PIAS4: variants seen among roughly 807,000 people sequenced by gnomAD.
PIAS4 encodes E3 SUMO-protein ligase PIAS4.
A neutral mutation model predicts 58.0 loss-of-function variants in PIAS4; 7 were observed. The ratio of observed to expected loss-of-function variants is 0.12; its 90% CI spans 0.07 to 0.23. PIAS4 has a LOEUF of 0.23. Ranked by LOEUF, PIAS4 falls within the 10% of genes least tolerant of loss-of-function variation. The pLI is 1.00. For missense variants in PIAS4, 550 were observed against 709.5 expected, an observed-to-expected ratio of 0.78 and a Z score of 2.55; for synonymous variants, 364 against 312.4, an observed-to-expected ratio of 1.17 and a Z score of -1.74.
At position 4,028,420 on chromosome 19, in the gene PIAS4, G is replaced by A. The variant is rs1212190240; in HGVS notation, c.582-90G>A. 5 of 1,005,100 alleles carry A rather than the reference G, an allele frequency of 5.0e-6. No individual in the cohort carries two copies. The African/African-American group carries it at 6.5e-5, about 13-fold the overall frequency. 62.3% of individuals were successfully genotyped at this position (1,005,100 alleles called of 1,614,324 possible). On this transcript the variant is annotated intron_variant, in intron 4 of 10. Coordinates refer to ENST00000262971, the MANE Select transcript of PIAS4 (RefSeq NM_015897.4). ...CACATTCTCCGGTGCCCCCATCACT[G>A]CCGCCTGGCTACCACTCGTGTACCC...
intron 3 of PIAS4, among the ~76,000 whole-genome samples, chr19:4,025,063 G>A (rs1432448148): frequency 4.6e-5 from 7 of 152,180 alleles, no homozygotes; most frequent in African/African-American, 7.2e-5. Context: ...TGCGCCTGGC[G>A]GAAGTCAGGT....
At chr19:4,025,087 T>C (rs1481669474) in intron 3 of PIAS4, among the ~76,000 whole-genome samples, 1 of 152,222 alleles carries the variant, frequency 6.6e-6, no homozygotes, top group Non-Finnish European at 1.5e-5. Context: ...TTCCCAGTTA[T>C]ATAATGAATA....
intron 2 of PIAS4, chr19:4,018,681 C>G (rs1229585817): frequency 2.0e-5 from 3 of 152,234 alleles, no homozygotes; most frequent in Non-Finnish European, 4.4e-5. Context: ...AGTGGCCCAA[C>G]AAGAAGGAGC....
At position 4,007,745 on chromosome 19, in the gene PIAS4, G is replaced by A; in HGVS notation, c.-16G>A. On this transcript the variant is annotated 5_prime_UTR_variant, in exon 1 of 11. Coordinates refer to ENST00000262971, the MANE Select transcript of PIAS4 (RefSeq NM_015897.4). ...ACGGCTGGGGGCTCCCGGCGCGGGG[G>A]ACGCTGGTGACCAAGATGGCGGCGG... 6 of 1,215,826 alleles carry A rather than the reference G, an allele frequency of 4.9e-6. No individual in the cohort carries two copies. Among genetic ancestry groups the A allele is most frequent in the Non-Finnish European group, 6.2e-6 (6 of 970,914 alleles). The allele number at this position is 1,215,826 out of a possible 1,614,324, so 75.3% of individuals were successfully genotyped here.
rs780201074 is a variant in PIAS4 at position 4,029,014 on chromosome 19, C to T, written c.885C>T (p.His295=). 4.4e-6 allele frequency: 7 copies of T among 1,607,070 alleles called. No homozygotes were observed. ...GGCTGAAGACCATTGGGGTAAAGCA[C>T]CCGGAGCTGTGCAAGGCACTGGGTG... ...LQRLKTIGVK[H]PELCKALVKE... Residue 295 remains histidine (H), a synonymous_variant, in exon 7 of 11, where the codon CAC becomes CAT. Transcript: ENST00000262971.
At chr19:4,030,977 C>A (rs896232711) in intron 7 of PIAS4, among the ~76,000 whole-genome samples, 2 of 152,168 alleles carry the variant, frequency 1.3e-5, no homozygotes, top group African/African-American at 2.4e-5. Flanking sequence ...CGGTTCTGGG[C>A]CAGCCGGGTT....
intron 3 of PIAS4, among the ~76,000 whole-genome samples, chr19:4,024,708 AG>A (rs1200033452): frequency 6.6e-6 from 1 of 151,970 alleles, no homozygotes; most frequent in Non-Finnish European, 1.5e-5. Flanking sequence ...CGCCCGCCTT[AG>A]GAATTTATTC....
At chr19:4,028,430 T>C in intron 4 of PIAS4, 80 bp from the exon 5 acceptor site, 2 of 1,079,604 alleles carry the variant, frequency 1.9e-6, no homozygotes, top group South Asian at 1.4e-5. Flanking sequence ...GCCGCCTGGC[T>C]ACCACTCGTG....
At chr19:4,023,186 A>G (rs1395343309) in intron 2 of PIAS4, among the ~76,000 whole-genome samples, 1 of 150,782 alleles carries the variant, frequency 6.6e-6, no homozygotes, top group East Asian at 2.0e-4. Flanking sequence ...AAAAAAAAAA[A>G]AAATGGGGCT....
intron 2 of PIAS4, among the ~76,000 whole-genome samples, chr19:4,023,698 T>A (rs2040133529): frequency 6.6e-6 from 1 of 152,214 alleles, no homozygotes; most frequent in Non-Finnish European, 1.5e-5. Flanking sequence ...GGCAGTGTCC[T>A]GCTGGCCTGG....
At chr19:4,028,256 C>T (rs2040187602) in intron 4 of PIAS4, 69 bp downstream of exon 4, 1 of 1,351,382 alleles carries the variant, frequency 7.4e-7, no homozygotes, top group Non-Finnish European at 1.0e-6. Context: ...GCCCCCCAGT[C>T]CTGGCCCAGG....
Position 4,028,150 on chromosome 19 carries a change from C to T in PIAS4, c.544C>T (p.Leu182=), listed in dbSNP as rs1260314525. The part of the protein sequence containing the change: ...QVELIRNSRE[L]QPGVKAVQVV... The stretch of plus-strand genomic sequence containing the variant: ...TGGTTTGCTCCACACCCACAGGGAA[C>T]TGCAGCCCGGAGTTAAAGCCGTGCA... The change falls in exon 4 of 11, where the codon CTG becomes TTG. Residue 182 remains leucine (L), a synonymous_variant. Coordinates refer to ENST00000262971, the MANE Select transcript of PIAS4 (RefSeq NM_015897.4). The T allele has an allele frequency of 6.2e-7, 1 of 1,613,602 alleles. No homozygotes were observed. Among genetic ancestry groups the T allele is most frequent in the South Asian group, 1.1e-5 (1 of 91,088 alleles).
intron 3 of PIAS4, among the ~76,000 whole-genome samples, chr19:4,027,192 T>G (rs1465122314): frequency 6.6e-6 from 1 of 152,186 alleles, no homozygotes; most frequent in Non-Finnish European, 1.5e-5. Flanking sequence ...TTCACCATAT[T>G]GCCCAGGCTT....
At chr19:4,018,343 C>T (rs2040072741) in intron 2 of PIAS4, 1 of 152,380 alleles carries the variant, frequency 6.6e-6, no homozygotes, top group African/African-American at 2.4e-5. Flanking sequence ...ACCCCCCATA[C>T]TGTGAGCATC....
chr19:4,023,343 G>C (rs1886208513), intron 2 of PIAS4, among the ~76,000 whole-genome samples: 1 of 151,940 alleles, frequency 6.6e-6, no homozygotes. Context: ...GCCAGGCTTG[G>C]TGGCTATTCG....
chr19:4,033,663 T>C lies in PIAS4; in HGVS notation c.1142+83T>C. The C allele has an allele frequency of 4.1e-6, 5 of 1,205,736 alleles. No individual in the cohort carries two copies. The South Asian group carries it at 5.5e-5, about 13-fold the overall frequency. The allele number at this position is 1,205,736 out of a possible 1,614,324, so 74.7% of individuals were successfully genotyped here. On this transcript the variant is annotated intron_variant, in intron 9 of 10. Transcript: ENST00000262971. Reference sequence around the variant, plus strand: ...GGCACCCCGCTTCCTGCAGACCACATGGTGCCCCAGCAAGACACAGCAGTG... The same window carrying C: ...GGCACCCCGCTTCCTGCAGACCACACGGTGCCCCAGCAAGACACAGCAGTG...
At chr19:4,025,209 G>A (rs918888510) in intron 3 of PIAS4, among the ~76,000 whole-genome samples, 37 of 152,228 alleles carry the variant, frequency 2.4e-4, no homozygotes, top group Admixed American at 8.5e-4. Context: ...CCTGCTCTGT[G>A]CCAGGAACAC....
chr19:4,023,749 G>A (rs893081481), intron 2 of PIAS4, among the ~76,000 whole-genome samples: 13 of 152,194 alleles, frequency 8.5e-5, no homozygotes, highest in Non-Finnish European at 1.5e-5. Context: ...GGCACTTTTC[G>A]GTTTCCTAAG....
In PIAS4 at chr19:4,013,361, C is replaced by T; in HGVS notation, c.454+12C>T. 6.2e-7 allele frequency: 1 copy of T among 1,602,648 alleles called. No homozygotes were observed. Among genetic ancestry groups the T allele is most frequent in the Non-Finnish European group, 8.5e-7 (1 of 1,172,384 alleles). ...GCCCACCGAATTAGGTGAGTGGTCA[C>T]CCTGGGGAGGCTGCGACTGGAGGCT... is the stretch of plus-strand genomic sequence containing the variant. On this transcript the variant is annotated intron_variant, in intron 2 of 10. Transcript: ENST00000262971. This position sits in a 1 kb window ranked among gnomAD's most constrained non-coding sequence, Gnocchi z 5.1.
Sources: gnomAD v4.1 joint callset for allele counts (sites outside exome capture counted in the v4.1 genomes callset) on GRCh38, gnomAD v4.1.1 for gene constraint, Gnocchi (gnomAD v3.1) non-coding constraint, MANE v1.5 for transcripts, NCBI Gene and HGNC (gene_info 2026-07-23, HGNC 2026-07-21) for gene names.